Variants in ADGRB3 observed in about 807,000 individuals in gnomAD.
ADGRB3 encodes the protein adhesion G protein-coupled receptor B3.
ADGRB3 carries 37 observed loss-of-function variants against 193.4 expected under a neutral mutation model. That is an observed-to-expected ratio of 0.19 (90% confidence interval 0.15 to 0.25). The LOEUF is 0.25. Ranked by LOEUF, ADGRB3 falls within the 10% of genes least tolerant of loss-of-function variation. The pLI is 1.00. For missense variants in ADGRB3, 1,637 were observed against 1,852.9 expected (o/e 0.88, Z 2.14); for synonymous variants, 690 against 644.2 (o/e 1.07, Z -1.08).
At chr6:68,997,651 TTAAATAAATAAA>T (rs67424530) in intron 11 of ADGRB3, among the ~76,000 whole-genome samples, 14 of 145,400 alleles carry the variant, frequency 9.6e-5, no homozygotes, top group Non-Finnish European at 1.7e-4. Context: ...ACACTCTGTC[TTAAATAAATAAA>T]TAAATAAATA....
intron 3 of ADGRB3, among the ~76,000 whole-genome samples, chr6:68,723,475 A>G (rs2127325773): frequency 6.6e-6 from 1 of 151,858 alleles, no homozygotes; most frequent in South Asian, 2.1e-4. Context: ...ACTTGCACTA[A>G]GAGTCTATAA....
chr6:68,802,687 T>C (rs1380712557), intron 3 of ADGRB3, among the ~76,000 whole-genome samples: 1 of 152,306 alleles, frequency 6.6e-6, no homozygotes, highest in East Asian at 1.9e-4. Context: ...CATGGTCATG[T>C]GTAGATAAAT....
chr6:68,741,875 T>C (rs1366473781), intron 3 of ADGRB3, among the ~76,000 whole-genome samples: 2 of 152,172 alleles, frequency 1.3e-5, no homozygotes, highest in African/African-American at 2.4e-5. Context: ...TTCTTCTTCT[T>C]ATAACGTTTT....
Position 69,134,179 on chromosome 6 carries a change from T to C in ADGRB3, c.2480+58141T>C, listed in dbSNP as rs545699684. Among the ~76,000 whole-genome samples the C allele has an allele frequency of 2.0e-5, 3 of 152,254 alleles. No individual in the cohort carries two copies. The East Asian group carries it at 5.8e-4, about 29-fold the overall frequency. ...CTCTGAGAATTGGTCCTCTTGAATA[T>C]GCTTTAAATAAACACTCTCTCTACA... is the stretch of plus-strand genomic sequence containing the variant. On this transcript the variant is annotated intron_variant, in intron 17 of 31. Transcript: ENST00000370598.
chr6:68,740,022 G>A (rs1259614845), intron 3 of ADGRB3, among the ~76,000 whole-genome samples: 1 of 151,968 alleles, frequency 6.6e-6, no homozygotes, highest in Non-Finnish European at 1.5e-5. Context: ...TAATAATAAT[G>A]CCAATTATTC....
chr6:68,745,765 C>A lies in ADGRB3; in HGVS notation c.757+106333C>A, dbSNP rs534749262. 6.6e-5 allele frequency among the ~76,000 whole-genome samples: 10 copies of A among 151,764 alleles called. 1 individual carries two copies. In the East Asian group the frequency reaches 1.4e-3, roughly 21 times the overall value. On this transcript the variant is annotated intron_variant, in intron 3 of 31. Transcript: ENST00000370598. The stretch of plus-strand genomic sequence containing the variant: ...TGTACATATATGTGTATATATCCCC[C>A]CACACACATATTTAGTTATGGCTTT...
At position 69,239,066 on chromosome 6, in the gene ADGRB3, T is replaced by C. The variant is rs970825616; in HGVS notation, c.2712-58T>C. The C allele has an allele frequency of 4.9e-6, 5 of 1,020,860 alleles. No individual in the cohort carries two copies. The East Asian group carries it at 1.2e-4, about 25-fold the overall frequency. The allele number at this position is 1,020,860 out of a possible 1,614,324, so 63.2% of individuals were successfully genotyped here. A position where few individuals can be genotyped will look rare whatever the true frequency, so the allele number is the denominator to read the frequency against. On this transcript the variant is annotated intron_variant, in intron 19 of 31. Transcript: ENST00000370598. Reference sequence around the variant, plus strand: ...GAATGCCATCAGTTTGCACAATATATAATTCTTCATCTTTCTGTTGGATTT... The same window carrying C: ...GAATGCCATCAGTTTGCACAATATACAATTCTTCATCTTTCTGTTGGATTT...
intron 15 of ADGRB3, among the ~76,000 whole-genome samples, chr6:69,060,831 C>T (rs545533817): frequency 2.6e-5 from 4 of 152,022 alleles, no homozygotes; most frequent in East Asian, 1.9e-4. Context: ...GGATATTTCC[C>T]CTAACTCTAA....
intron 13 of ADGRB3, among the ~76,000 whole-genome samples, chr6:69,036,648 A>T (rs1770879945): frequency 6.6e-6 from 1 of 152,166 alleles, no homozygotes; most frequent in African/African-American, 2.4e-5. Flanking sequence ...GTTAGGACAG[A>T]CCAAGCTAAG....
intron 3 of ADGRB3, among the ~76,000 whole-genome samples, chr6:68,897,965 T>C (rs988294920): frequency 6.8e-6 from 1 of 147,382 alleles, no homozygotes; most frequent in African/African-American, 2.5e-5. Flanking sequence ...AATATAATAA[T>C]AATTATATAT....
intron 17 of ADGRB3, among the ~76,000 whole-genome samples, chr6:69,217,154 G>A (rs75262470): frequency 6.4e-4 from 98 of 152,236 alleles, no homozygotes; most frequent in East Asian, 2.1e-3. Context: ...AGTGGGTGGC[G>A]CAGATGTCTC....
intron 3 of ADGRB3, among the ~76,000 whole-genome samples, chr6:68,655,276 TCTAAA>T (rs1768464964): frequency 6.6e-6 from 1 of 151,636 alleles, no homozygotes; most frequent in Non-Finnish European, 1.5e-5. Flanking sequence ...TACACACTTC[TCTAAA>T]CATCAGGGTT....
intron 20 of ADGRB3, among the ~76,000 whole-genome samples, chr6:69,306,679 A>G (rs1435697939): frequency 2.6e-5 from 4 of 151,558 alleles, no homozygotes; most frequent in African/African-American, 4.9e-5. Flanking sequence ...TGAGATTACA[A>G]TGAACAGTGA....
chr6:68,731,110 G>A (rs939353628), intron 3 of ADGRB3, among the ~76,000 whole-genome samples: 7 of 151,598 alleles, frequency 4.6e-5, no homozygotes, highest in African/African-American at 1.7e-4. Context: ...AGATATATAA[G>A]TTCTTTCTTT....
intron 3 of ADGRB3, among the ~76,000 whole-genome samples, chr6:68,792,480 G>C (rs1767125271): frequency 6.6e-6 from 1 of 152,108 alleles, no homozygotes; most frequent in Admixed American, 6.6e-5. Flanking sequence ...GTAAGGCCTT[G>C]GTTTTCCTTC....
At chr6:68,688,990 A>G (rs1765026575) in intron 3 of ADGRB3, among the ~76,000 whole-genome samples, 1 of 152,128 alleles carries the variant, frequency 6.6e-6, no homozygotes, top group Non-Finnish European at 1.5e-5. Flanking sequence ...TTCCACCAAG[A>G]CACAGATGAC....
intron 3 of ADGRB3, among the ~76,000 whole-genome samples, chr6:68,642,876 T>G (rs753529142): frequency 2.4e-4 from 37 of 152,132 alleles, no homozygotes; most frequent in Non-Finnish European, 4.7e-4. Flanking sequence ...AGACTGGTAT[T>G]TATTAACAAA....
intron 11 of ADGRB3, among the ~76,000 whole-genome samples, chr6:69,010,854 T>C (rs1336218439): frequency 1.3e-5 from 2 of 151,868 alleles, no homozygotes; most frequent in African/African-American, 4.8e-5. Flanking sequence ...GACCTTTTTA[T>C]TTTAGGGATT....
chr6:69,177,269 C>T (rs1277342840), intron 17 of ADGRB3, among the ~76,000 whole-genome samples: 7 of 152,076 alleles, frequency 4.6e-5, no homozygotes, highest in African/African-American at 1.7e-4. Context: ...GTGCTGTAAA[C>T]TTTGCTCTTT....
Sources: gnomAD v4.1 joint callset for allele counts (sites outside exome capture counted in the v4.1 genomes callset) on GRCh38, gnomAD v4.1.1 for gene constraint, MANE v1.5 for transcripts, NCBI Gene and HGNC (gene_info 2026-07-23, HGNC 2026-07-21) for gene names.